Variants in RFTN1 observed in about 807,000 individuals in gnomAD.
RFTN1 encodes the protein raftlin, lipid raft linker 1.
In RFTN1, 26 loss-of-function variants were observed where a neutral mutation model predicts 46.5. That is an observed-to-expected ratio of 0.56 (90% CI 0.41 to 0.78). The LOEUF (loss-of-function observed/expected upper bound fraction) is 0.78. RFTN1 is among the 30% of genes least tolerant of loss of function. The pLI is 0.00. For synonymous variants in RFTN1, 261 were observed against 284.2 expected (o/e 0.92, Z 0.82); for missense variants, 693 against 718.7 (o/e 0.96, Z 0.41).
In RFTN1 at chr3:16,335,794, AAGG is replaced by A. The variant is rs1559829047; in HGVS notation, c.1147-8921_1147-8919del. Reference sequence around the variant, plus strand: ...GGAACTTTAAAAAAAAAAAAAAAAAAAGGAGTTTGATCACACCATCAAATATCT... The same window carrying A: ...GGAACTTTAAAAAAAAAAAAAAAAAAAGTTTGATCACACCATCAAATATCT... On this transcript the variant is annotated intron_variant, in intron 7 of 9. Transcript: ENST00000334133. The surrounding 1 kb of genome is among the most constrained non-coding windows in gnomAD (Gnocchi z 4.7). 3.6e-5 allele frequency among the ~76,000 whole-genome samples: 5 copies of A among 140,148 alleles called. No homozygotes were observed. Among genetic ancestry groups the A allele is most frequent in the South Asian group, 2.1e-4 (1 of 4,704 alleles). The allele number at this position is 140,148 out of a possible 152,430, so 91.9% of individuals were successfully genotyped here. A position where few individuals can be genotyped will look rare whatever the true frequency, so the allele number is the denominator to read the frequency against.
Position 16,317,273 on chromosome 3 carries a change from G to A in RFTN1, c.1333-41C>T. 6.3e-7 allele frequency: 1 copy of A among 1,598,220 alleles called. No homozygotes were observed. The highest frequency in any genetic ancestry group is 8.5e-7 in the Non-Finnish European group (1 of 1,176,500). ...GATGGGGATAAATAACAAGCCTCCGGGAACCCAGAGCTTCACCCAAAGCCT... is the reference window on the plus strand; with the variant it reads ...GATGGGGATAAATAACAAGCCTCCGAGAACCCAGAGCTTCACCCAAAGCCT... On this transcript the variant is annotated intron_variant, in intron 9 of 9. Transcript: ENST00000334133. The surrounding 1 kb of genome is among the most constrained non-coding windows in gnomAD (Gnocchi z 4.3).
chr3:16,368,343 G>A (rs1199706458), intron 6 of RFTN1, among the ~76,000 whole-genome samples: 1 of 150,324 alleles, frequency 6.7e-6, no homozygotes, highest in Admixed American at 6.6e-5. Flanking sequence ...TTGCCACCAG[G>A]GCACAGAAGT....
At chr3:16,414,344 C>A (rs114426744) in intron 3 of RFTN1, among the ~76,000 whole-genome samples, 1 of 150,732 alleles carries the variant, frequency 6.6e-6, no homozygotes, top group African/African-American at 2.4e-5. Context: ...CAGTGGCTCA[C>A]GCCAGTAATC....
chr3:16,433,741 A>C lies in RFTN1; in HGVS notation c.332+110T>G. On this transcript the variant is annotated intron_variant, in intron 3 of 9. Transcript: ENST00000334133. This position sits in a 1 kb window ranked among gnomAD's most constrained non-coding sequence, Gnocchi z 4.4. Reference sequence around the variant, plus strand: ...CACCTGTCTGAGGGCTGAGGCCCTGAGGACAGCATGCAAATTTCAACCCCC... The same window carrying C: ...CACCTGTCTGAGGGCTGAGGCCCTGCGGACAGCATGCAAATTTCAACCCCC... The C allele has an allele frequency of 8.9e-7, 1 of 1,129,528 alleles. No individual in the cohort carries two copies. 70.0% of individuals were successfully genotyped at this position (1,129,528 alleles called of 1,614,324 possible).
chr3:16,362,580 G>A (rs1441201420), intron 6 of RFTN1, among the ~76,000 whole-genome samples: 1 of 152,128 alleles, frequency 6.6e-6, no homozygotes, highest in Non-Finnish European at 1.5e-5. Flanking sequence ...ACCTGGGCAT[G>A]CTTGAGACCA....
intron 3 of RFTN1, among the ~76,000 whole-genome samples, chr3:16,415,430 T>TATATATATATATATATATACACACACAC: frequency 1.4e-4 from 16 of 114,330 alleles, no homozygotes; most frequent in South Asian, 2.9e-4. Flanking sequence ...TATATATATA[T>TATATATATATATATATATACACACACAC]ACACACACAC....
intron 3 of RFTN1, among the ~76,000 whole-genome samples, chr3:16,431,318 A>G (rs563077484): frequency 3.3e-5 from 5 of 152,278 alleles, no homozygotes; most frequent in African/African-American, 1.2e-4. Context: ...GGTCCTCCAC[A>G]CACTTGCTAC....
intron 3 of RFTN1, among the ~76,000 whole-genome samples, chr3:16,431,777 G>C (rs1443613950): frequency 1.3e-5 from 2 of 152,156 alleles, no homozygotes; most frequent in Non-Finnish European, 2.9e-5. Context: ...GTAAAATGGG[G>C]GAAAGGTTGA....
Position 16,499,898 on chromosome 3 carries a change from G to A in RFTN1, c.-8-6021C>T, listed in dbSNP as rs528736601. On this transcript the variant is annotated intron_variant, in intron 1 of 9. Transcript: ENST00000334133. This position sits in a 1 kb window ranked among gnomAD's most constrained non-coding sequence, Gnocchi z 4.9. Reference sequence around the variant, plus strand: ...TTCTCTAGGGTAAATACCTAAGAGTGGGGTTGTTGGGTTATATGATAAGTG... The same window carrying A: ...TTCTCTAGGGTAAATACCTAAGAGTAGGGTTGTTGGGTTATATGATAAGTG... Among the ~76,000 whole-genome samples the A allele has an allele frequency of 1.3e-5, 2 of 152,288 alleles. No homozygotes were observed. The highest frequency in any genetic ancestry group is 1.9e-4 in the East Asian group (1 of 5,182).
intron 7 of RFTN1, among the ~76,000 whole-genome samples, chr3:16,354,684 C>G (rs1220357611): frequency 1.3e-5 from 2 of 152,246 alleles, no homozygotes; most frequent in African/African-American, 2.4e-5. Context: ...CTTCTGAATA[C>G]ACTTTCTCAT....
In RFTN1 at chr3:16,451,494, T is replaced by A. The variant is rs572558729; in HGVS notation, c.146-17457A>T. ...TGCCAGTTGCACTGGTTATAATGAATAAGCCTAATCAAATATTATATGAAT... is the reference window on the plus strand; with the variant it reads ...TGCCAGTTGCACTGGTTATAATGAAAAAGCCTAATCAAATATTATATGAAT... On this transcript the variant is annotated intron_variant, in intron 2 of 9. Coordinates refer to ENST00000334133, the MANE Select transcript of RFTN1 (RefSeq NM_015150.2). This position sits in a 1 kb window ranked among gnomAD's most constrained non-coding sequence, Gnocchi z 4.2. Among the ~76,000 whole-genome samples, 2 of 152,338 alleles carry A rather than the reference T, an allele frequency of 1.3e-5. No individual in the cohort carries two copies. Among genetic ancestry groups the A allele is most frequent in the Non-Finnish European group, 2.9e-5 (2 of 68,034 alleles).
chr3:16,328,995 A>G (rs1340361940), intron 7 of RFTN1, among the ~76,000 whole-genome samples: 1 of 152,256 alleles, frequency 6.6e-6, no homozygotes, highest in Non-Finnish European at 1.5e-5. Context: ...TGTATCCCCC[A>G]AAAAGTTTCC....
At chr3:16,420,886 G>T (rs557303925) in intron 3 of RFTN1, among the ~76,000 whole-genome samples, 8 of 152,302 alleles carry the variant, frequency 5.3e-5, no homozygotes, top group South Asian at 2.1e-4. Flanking sequence ...GACAGGTCTG[G>T]GTAGGCCTGA....
chr3:16,470,872 A>G (rs971275231), intron 2 of RFTN1, among the ~76,000 whole-genome samples: 1 of 152,366 alleles, frequency 6.6e-6, no homozygotes, highest in Non-Finnish European at 1.5e-5. Flanking sequence ...GCAATCAATG[A>G]AGACCAATCC....
chr3:16,390,043 T>C (rs572029860), intron 4 of RFTN1, among the ~76,000 whole-genome samples: 22 of 152,310 alleles, frequency 1.4e-4, no homozygotes, highest in Non-Finnish European at 2.6e-4. Flanking sequence ...ATCTTGAAAG[T>C]AGATCCCCCA....
chr3:16,391,701 T>C (rs2074344129), intron 4 of RFTN1, among the ~76,000 whole-genome samples: 1 of 152,074 alleles, frequency 6.6e-6, no homozygotes, highest in Non-Finnish European at 1.5e-5. Flanking sequence ...TGAGGGTATA[T>C]GGCACCGAAA....
In RFTN1 at chr3:16,509,711, G is replaced by A. The variant is rs2076866447; in HGVS notation, c.-9+3731C>T. On this transcript the variant is annotated intron_variant, in intron 1 of 9. Coordinates refer to ENST00000334133, the MANE Select transcript of RFTN1 (RefSeq NM_015150.2). The surrounding 1 kb of genome is among the most constrained non-coding windows in gnomAD (Gnocchi z 4.9). Reference sequence around the variant, plus strand: ...GCCCTCGAGTAAAATACATCCTGGGGCCCTGACATCTTGACACCCACTGTC... The same window carrying A: ...GCCCTCGAGTAAAATACATCCTGGGACCCTGACATCTTGACACCCACTGTC... 1.3e-5 allele frequency among the ~76,000 whole-genome samples: 2 copies of A among 152,134 alleles called. No homozygotes were observed. The highest frequency in any genetic ancestry group is 2.4e-5 in the African/African-American group (1 of 41,418).
At chr3:16,368,247 G>C (rs75112563) in intron 6 of RFTN1, among the ~76,000 whole-genome samples, 2 of 146,070 alleles carry the variant, frequency 1.4e-5, no homozygotes, top group South Asian at 2.3e-4. Context: ...TGATGCATCT[G>C]AAACCAGACC....
rs2076679160 is a variant in RFTN1 at position 16,499,649 on chromosome 3, GA to G, written c.-8-5773del. On this transcript the variant is annotated intron_variant, in intron 1 of 9. Coordinates refer to ENST00000334133, the MANE Select transcript of RFTN1 (RefSeq NM_015150.2). The surrounding 1 kb of genome is among the most constrained non-coding windows in gnomAD (Gnocchi z 4.9). ...TGTTGTTTTAAGCTTCTAAGTTTTGGAGTGGTTCATTTATACCATAAGCAAC... is the reference window on the plus strand; with the variant it reads ...TGTTGTTTTAAGCTTCTAAGTTTTGGGTGGTTCATTTATACCATAAGCAAC... Among the ~76,000 whole-genome samples the G allele has an allele frequency of 6.6e-6, 1 of 152,202 alleles. No individual in the cohort carries two copies. Among genetic ancestry groups the G allele is most frequent in the African/African-American group, 2.4e-5 (1 of 41,446 alleles).
Sources: gnomAD v4.1 joint callset for allele counts (sites outside exome capture counted in the v4.1 genomes callset) on GRCh38, gnomAD v4.1.1 for gene constraint, Gnocchi (gnomAD v3.1) non-coding constraint, MANE v1.5 for transcripts, NCBI Gene and HGNC (gene_info 2026-07-23, HGNC 2026-07-21) for gene names.